CNTNAP2: variants seen among roughly 807,000 people sequenced by gnomAD.
CNTNAP2 encodes contactin associated protein 2.
CNTNAP2 carries 98 observed loss-of-function variants against 155.2 expected under a neutral mutation model. That is an observed-to-expected ratio of 0.63 (90% confidence interval 0.54 to 0.75). The LOEUF (loss-of-function observed/expected upper bound fraction) is 0.75, where lower values mean the gene tolerates loss of function less well. Ranked by LOEUF, CNTNAP2 falls within the 30% of genes least tolerant of loss-of-function variation. The probability of loss-of-function intolerance (pLI) is 0.00; values close to 1 mark genes in which losing one functional copy is unlikely to be tolerated. For missense variants in CNTNAP2, 1,727 were observed against 1,688.1 expected (o/e 1.02, Z -0.40); for synonymous variants, 651 against 631.2 (o/e 1.03, Z -0.47).
At chr7:147,262,609 C>A (rs1563138021) in intron 8 of CNTNAP2, among the ~76,000 whole-genome samples, 1 of 152,074 alleles carries the variant, frequency 6.6e-6, no homozygotes, top group Non-Finnish European at 1.5e-5. Context: ...TCGAGACCAT[C>A]CTGGCTAACA....
At chr7:147,767,109 T>A (rs150766456) in intron 13 of CNTNAP2, among the ~76,000 whole-genome samples, 347 of 152,236 alleles carry the variant, frequency 2.3e-3, no homozygotes, top group Middle Eastern at 6.8e-3. Flanking sequence ...ATTACTACAT[T>A]TTAAAACAGT....
chr7:146,622,744 G>T (rs1447915878), intron 1 of CNTNAP2, among the ~76,000 whole-genome samples: 2 of 151,982 alleles, frequency 1.3e-5, no homozygotes, highest in Non-Finnish European at 2.9e-5. Context: ...ATCACCTGAG[G>T]TCAGGAGTTC....
chr7:146,288,405 A>G (rs1280803487), intron 1 of CNTNAP2, among the ~76,000 whole-genome samples: 1 of 152,062 alleles, frequency 6.6e-6, no homozygotes. Context: ...ATTTCAGAAT[A>G]TGTACAGCAG....
Position 146,444,810 on chromosome 7 carries a change from A to C in CNTNAP2, c.97+327837A>C, listed in dbSNP as rs557108060. Reference sequence around the variant, plus strand: ...GTAGCTGGGATTACAGGTGCCTGCCACCATGCCTGGCTAATTTTTGTGTTT... The same window carrying C: ...GTAGCTGGGATTACAGGTGCCTGCCCCCATGCCTGGCTAATTTTTGTGTTT... On this transcript the variant is annotated intron_variant, in intron 1 of 23. Transcript: ENST00000361727. Among the ~76,000 whole-genome samples, 6 of 151,912 alleles carry C rather than the reference A, an allele frequency of 3.9e-5. No individual in the cohort carries two copies. In the East Asian group the frequency reaches 1.2e-3, roughly 30 times the overall value.
chr7:146,151,635 G>GAT lies in CNTNAP2; in HGVS notation c.97+34707_97+34708dup, dbSNP rs1226681385. ...ACTGATGAATGGACAAAGAAAACGTGATATATATATATATATATATATATA... is the reference window on the plus strand; with the variant it reads ...ACTGATGAATGGACAAAGAAAACGTGATATATATATATATATATATATATATA... On this transcript the variant is annotated intron_variant, in intron 1 of 23. Transcript: ENST00000361727. Among the ~76,000 whole-genome samples, 33 of 36,378 alleles carry GAT rather than the reference G, an allele frequency of 9.1e-4. 1 individual carries two copies. Among genetic ancestry groups the GAT allele is most frequent in the East Asian group, 2.2e-3 (2 of 890 alleles). 23.9% of individuals were successfully genotyped at this position (36,378 alleles called of 152,430 possible).
intron 6 of CNTNAP2, among the ~76,000 whole-genome samples, chr7:147,125,638 T>A (rs916404076): frequency 4.6e-5 from 7 of 152,198 alleles, no homozygotes; most frequent in Admixed American, 3.9e-4. Context: ...TCTTGACCAT[T>A]GCAGAACCAC....
At chr7:147,806,671 A>G (rs1373456512) in intron 13 of CNTNAP2, among the ~76,000 whole-genome samples, 14 of 152,208 alleles carry the variant, frequency 9.2e-5, no homozygotes, top group Admixed American at 9.2e-4. Context: ...TCAACCATAA[A>G]AAGAATGAAA....
intron 13 of CNTNAP2, 63 bp downstream of exon 13, chr7:147,639,369 A>G: frequency 6.9e-7 from 1 of 1,455,576 alleles, no homozygotes; most frequent in Non-Finnish European, 9.5e-7. Context: ...AATTGCCTAA[A>G]GAATCCAACA....
At chr7:148,408,416 T>G (rs976077263) in intron 22 of CNTNAP2, among the ~76,000 whole-genome samples, 2 of 152,242 alleles carry the variant, frequency 1.3e-5, no homozygotes, top group African/African-American at 4.8e-5. Context: ...TTATCCCGGA[T>G]AATCTTGGAA....
At chr7:146,285,485 G>A (rs1429961820) in intron 1 of CNTNAP2, among the ~76,000 whole-genome samples, 1 of 151,864 alleles carries the variant, frequency 6.6e-6, no homozygotes, top group Admixed American at 6.6e-5. Context: ...AACATTTAAG[G>A]TTTTATTAAG....
chr7:147,397,003 C>G (rs1584923845), intron 10 of CNTNAP2, among the ~76,000 whole-genome samples: 2 of 152,112 alleles, frequency 1.3e-5, no homozygotes, highest in East Asian at 3.9e-4. Context: ...ATAAAATAAT[C>G]TATTTTGAAG....
intron 1 of CNTNAP2, among the ~76,000 whole-genome samples, chr7:146,550,874 CAT>C (rs1316075866): frequency 6.6e-6 from 1 of 151,990 alleles, no homozygotes; most frequent in Non-Finnish European, 1.5e-5. Context: ...GGGGATGCTT[CAT>C]GAATGAAGTG....
At chr7:147,133,342 G>C (rs189397745) in intron 8 of CNTNAP2, among the ~76,000 whole-genome samples, 1 of 152,014 alleles carries the variant, frequency 6.6e-6, no homozygotes, top group African/African-American at 2.4e-5. Flanking sequence ...AGAAATGGGA[G>C]ATACAAAGAA....
At chr7:148,072,849 A>G (rs752775611) in intron 15 of CNTNAP2, among the ~76,000 whole-genome samples, 30 of 152,182 alleles carry the variant, frequency 2.0e-4, no homozygotes, top group Admixed American at 4.6e-4. Flanking sequence ...CTGGGATTAC[A>G]GGTACCCACC....
chr7:148,358,812 A>G (rs1258735657), intron 21 of CNTNAP2, among the ~76,000 whole-genome samples: 1 of 152,256 alleles, frequency 6.6e-6, no homozygotes, highest in African/African-American at 2.4e-5. Flanking sequence ...TATTTCACAG[A>G]GGAGCTACAA....
intron 13 of CNTNAP2, among the ~76,000 whole-genome samples, chr7:147,729,974 A>C (rs1203196912): frequency 6.6e-6 from 1 of 152,126 alleles, no homozygotes; most frequent in Admixed American, 6.6e-5. Flanking sequence ...CAATGAATTA[A>C]AAAATAAGGG....
At chr7:147,797,506 G>A (rs1167010482) in intron 13 of CNTNAP2, among the ~76,000 whole-genome samples, 2 of 152,008 alleles carry the variant, frequency 1.3e-5, no homozygotes, top group Admixed American at 1.3e-4. Context: ...TCCTCTGCCA[G>A]CATCCCCCCA....
intron 16 of CNTNAP2, among the ~76,000 whole-genome samples, chr7:148,125,073 T>C (rs1188422753): frequency 6.6e-6 from 1 of 152,068 alleles, no homozygotes; most frequent in African/African-American, 2.4e-5. Flanking sequence ...AAGTCTCAGA[T>C]CTCATTCTAA....
At chr7:147,471,222 C>T (rs7783425) in intron 10 of CNTNAP2, among the ~76,000 whole-genome samples, 118,570 of 152,124 alleles carry the variant, frequency 0.78, 46,576 homozygotes, top group African/African-American at 0.87. Context: ...CATAGCATCA[C>T]CTTGCACTCT....
Sources: allele counts gnomAD v4.1 joint callset (sites outside exome capture counted in the v4.1 genomes callset), GRCh38; gene constraint gnomAD v4.1.1; transcripts MANE v1.5; gene names NCBI Gene and HGNC (gene_info 2026-07-23, HGNC 2026-07-21).